MEGF11: variants seen among roughly 807,000 people sequenced by gnomAD.
The protein encoded by MEGF11 is multiple epidermal growth factor-like domains protein 11.
A neutral mutation model predicts 146.6 loss-of-function variants in MEGF11; 126 were observed. The ratio of observed to expected loss-of-function variants is 0.86; its 90% CI spans 0.74 to 1.00. The LOEUF is 1.00. MEGF11 is among the 50% of genes least tolerant of loss of function. The pLI is 0.00. For missense variants in MEGF11, 1,509 were observed against 1,521.2 expected (o/e 0.99, Z 0.13); for synonymous variants, 532 against 583.4 (o/e 0.91, Z 1.27).
In MEGF11 at chr15:65,973,881, C is replaced by T. The variant is rs8032679; in HGVS notation, c.763-3192G>A. Among the ~76,000 whole-genome samples, 1,033 of 152,250 alleles carry T rather than the reference C, an allele frequency of 6.8e-3. 12 individuals are homozygous for T. The highest frequency in any genetic ancestry group is 0.024 in the African/African-American group (980 of 41,546). On this transcript the variant is annotated intron_variant, in intron 7 of 25. Coordinates refer to ENST00000395614, the MANE Select transcript of MEGF11 (RefSeq NM_001385028.1). Reference sequence around the variant, plus strand: ...ATTTGAAAGTGTTGCCTTTAGGGAGCAGGATTTGTAAATGGAGCAGGGGAC... The same window carrying T: ...ATTTGAAAGTGTTGCCTTTAGGGAGTAGGATTTGTAAATGGAGCAGGGGAC...
intron 1 of MEGF11, among the ~76,000 whole-genome samples, chr15:66,237,468 A>C (rs974431574): frequency 1.3e-5 from 2 of 151,118 alleles, no homozygotes; most frequent in African/African-American, 4.8e-5. Context: ...ATACTCCTGC[A>C]GAGTAGTGAC....
At chr15:66,158,004 C>A (rs538025510) in intron 1 of MEGF11, among the ~76,000 whole-genome samples, 1 of 152,308 alleles carries the variant, frequency 6.6e-6, no homozygotes, top group East Asian at 1.9e-4. Flanking sequence ...CCCGCTGTTG[C>A]CCCTTGAAAT....
At chr15:66,226,967 C>T (rs910765867) in intron 1 of MEGF11, among the ~76,000 whole-genome samples, 3 of 152,168 alleles carry the variant, frequency 2.0e-5, no homozygotes, top group African/African-American at 7.2e-5. Context: ...TTCTCGTTTG[C>T]CAGGCTCTTT....
intron 2 of MEGF11, among the ~76,000 whole-genome samples, chr15:66,127,567 T>A (rs2088421407): frequency 6.6e-6 from 1 of 152,236 alleles, no homozygotes; most frequent in Non-Finnish European, 1.5e-5. Flanking sequence ...TTTGATTTAT[T>A]AACATGTAAG....
chr15:65,935,847 A>T (rs753953015), intron 10 of MEGF11, among the ~76,000 whole-genome samples: 3 of 152,128 alleles, frequency 2.0e-5, no homozygotes, highest in Non-Finnish European at 4.4e-5. Flanking sequence ...TTTTTTGTCA[A>T]ATTCCCTAAC....
At chr15:66,054,276 C>T (rs948498446) in intron 5 of MEGF11, among the ~76,000 whole-genome samples, 2 of 152,208 alleles carry the variant, frequency 1.3e-5, no homozygotes, top group African/African-American at 4.8e-5. Flanking sequence ...CCATGTGAAA[C>T]ACAAAAGCGA....
chr15:66,212,354 C>T (rs554962638), intron 1 of MEGF11, among the ~76,000 whole-genome samples: 59 of 152,200 alleles, frequency 3.9e-4, no homozygotes, highest in Admixed American at 3.3e-4. Flanking sequence ...ATCTCTCCGC[C>T]CTCTGGATTG....
At chr15:65,975,402 A>T (rs1221214928) in intron 7 of MEGF11, among the ~76,000 whole-genome samples, 2 of 152,184 alleles carry the variant, frequency 1.3e-5, no homozygotes, top group South Asian at 4.1e-4. Flanking sequence ...CCCTAGGGAA[A>T]TCAAGCATCC....
intron 22 of MEGF11, 111 bp from the exon 23 acceptor site, chr15:65,909,246 A>G: frequency 3.8e-6 from 3 of 783,704 alleles, no homozygotes; most frequent in Non-Finnish European, 6.4e-6. Flanking sequence ...GCAGGCTGGG[A>G]GGACTTGGGG....
rs528969528 is a variant in MEGF11, at chr15:66,250,369, G to A, written c.-9+3236C>T. Reference sequence around the variant, plus strand: ...TTCCCTATTATATTGTCCCATTTCAGGACTTCTTCAGACATTGTTGTGTAT... The same window carrying A: ...TTCCCTATTATATTGTCCCATTTCAAGACTTCTTCAGACATTGTTGTGTAT... On this transcript the variant is annotated intron_variant, in intron 1 of 25. Coordinates refer to ENST00000395614, the MANE Select transcript of MEGF11 (RefSeq NM_001385028.1). Among the ~76,000 whole-genome samples, 4 of 152,286 alleles carry A rather than the reference G, an allele frequency of 2.6e-5. No individual in the cohort carries two copies. In the East Asian group the frequency reaches 7.7e-4, roughly 29 times the overall value.
At chr15:66,191,073 T>C (rs925741499) in intron 1 of MEGF11, among the ~76,000 whole-genome samples, 2 of 152,068 alleles carry the variant, frequency 1.3e-5, no homozygotes, top group Middle Eastern at 3.4e-3. Context: ...GAAAAGCAAG[T>C]TTCTCCCCCG....
At chr15:66,218,206 A>G (rs1241824670) in intron 1 of MEGF11, among the ~76,000 whole-genome samples, 2 of 152,216 alleles carry the variant, frequency 1.3e-5, no homozygotes, top group Non-Finnish European at 2.9e-5. Context: ...AATGTGGTTC[A>G]TCCCTAGAGG....
chr15:65,954,988 C>CT (rs1224809786), intron 10 of MEGF11, among the ~76,000 whole-genome samples: 1 of 152,176 alleles, frequency 6.6e-6, no homozygotes, highest in Non-Finnish European at 1.5e-5. Flanking sequence ...TACTTTTCCC[C>CT]TTTTCCCCCA....
In MEGF11 at chr15:65,930,907, A is replaced by C. The variant is rs761111884; in HGVS notation, c.1324T>G (p.Tyr442Asp). Residue 442 changes from tyrosine (Y) to aspartate (D), a missense_variant, in exon 11 of 26, where the codon TAT becomes GAT. Coordinates refer to ENST00000395614, the MANE Select transcript of MEGF11 (RefSeq NM_001385028.1). ...CAGATGGACGAGCAGTTGGGGCCATAGGTCCCTGCTGCACAGGAAACGGCA... is the reference window on the plus strand; with the variant it reads ...CAGATGGACGAGCAGTTGGGGCCATCGGTCCCTGCTGCACAGGAAACGGCA... ...VCAVSCAAGT[Y>D]GPNCSSICSC... 6.2e-7 allele frequency: 1 copy of C among 1,610,974 alleles called. No homozygotes were observed. Among genetic ancestry groups the C allele is most frequent in the South Asian group, 1.1e-5 (1 of 90,544 alleles).
At chr15:66,137,644 C>T (rs573554357) in intron 1 of MEGF11, among the ~76,000 whole-genome samples, 1 of 151,462 alleles carries the variant, frequency 6.6e-6, no homozygotes, top group South Asian at 2.1e-4. Flanking sequence ...CTTTGACCTC[C>T]CTGGGCTTAA....
Position 65,965,020 on chromosome 15 carries a change from C to T in MEGF11, c.1000G>A (p.Glu334Lys), listed in dbSNP as rs754160135. ...GGGCCCTTGTAGCCAGGCTCACACT[C>T]GCAGGCACCCGTGGTGGGTGAACAC... Reference protein sequence around the residue: ...GQCSPTTGACECEPGYKGPRC... With the variant: ...GQCSPTTGACKCEPGYKGPRC... Residue 334 changes from glutamate to lysine, a missense_variant, in exon 9 of 26, where the codon GAG becomes AAG. Coordinates refer to ENST00000395614, the MANE Select transcript of MEGF11 (RefSeq NM_001385028.1). The T allele has an allele frequency of 6.3e-6, 10 of 1,576,814 alleles. No individual in the cohort carries two copies. The East Asian group carries it at 1.6e-4, about 26-fold the overall frequency.
intron 5 of MEGF11, among the ~76,000 whole-genome samples, chr15:65,988,245 C>T (rs549967496): frequency 6.0e-5 from 9 of 151,258 alleles, no homozygotes; most frequent in Non-Finnish European, 1.2e-4. Context: ...CTGGGCTCAT[C>T]GATCTACCTG....
intron 17 of MEGF11, 197 bp downstream of exon 17, chr15:65,916,631 G>T: frequency 1.0e-6 from 1 of 999,162 alleles, no homozygotes; most frequent in Non-Finnish European, 1.5e-6. Flanking sequence ...CTTTGGGCTT[G>T]TCAATCCCCT....
chr15:65,897,067 C>T lies in MEGF11; in HGVS notation c.*867G>A, dbSNP rs183684738. ...CAACTAGCCGTCTTTTACTTAATCC[C>T]GACCAGTCTATGACTGCTTGCTTAA... On this transcript the variant is annotated 3_prime_UTR_variant, in exon 26 of 26. Coordinates refer to ENST00000395614, the MANE Select transcript of MEGF11 (RefSeq NM_001385028.1). 47 of 152,278 alleles carry T rather than the reference C, an allele frequency of 3.1e-4. No individual in the cohort carries two copies. Among genetic ancestry groups the T allele is most frequent in the African/African-American group, 1.1e-3 (44 of 41,566 alleles). 9.4% of individuals were successfully genotyped at this position (152,278 alleles called of 1,614,324 possible).
Sources: allele counts gnomAD v4.1 joint callset (sites outside exome capture counted in the v4.1 genomes callset), GRCh38; gene constraint gnomAD v4.1.1; transcripts MANE v1.5; gene names NCBI Gene and HGNC (gene_info 2026-07-23, HGNC 2026-07-21).